Variants in MGMT observed in about 807,000 individuals in gnomAD.
MGMT encodes the protein methylated-DNA--protein-cysteine methyltransferase.
Under a neutral mutation model 15.9 loss-of-function variants are expected in MGMT, and 14 were observed. The observed-to-expected ratio is 0.88, with a 90% CI of 0.58 to 1.37. The LOEUF (loss-of-function observed/expected upper bound fraction) is 1.37, where lower values mean the gene tolerates loss of function less well. MGMT is among the 40% of genes most tolerant of loss of function. The pLI is 0.00. For missense variants in MGMT, 282 were observed against 268.1 expected, an observed-to-expected ratio of 1.05 and a Z score of -0.36; for synonymous variants, 130 against 118.2, an observed-to-expected ratio of 1.10 and a Z score of -0.65.
chr10:129,632,263 T>A (rs892611092), intron 2 of MGMT, among the ~76,000 whole-genome samples: 1 of 152,230 alleles, frequency 6.6e-6, no homozygotes, highest in African/African-American at 2.4e-5. Context: ...TTTTTAACTG[T>A]ACCAAATTGT....
intron 2 of MGMT, among the ~76,000 whole-genome samples, chr10:129,609,371 C>T (rs1175641197): frequency 1.3e-5 from 2 of 151,466 alleles, no homozygotes; most frequent in Non-Finnish European, 2.9e-5. Flanking sequence ...TCTCTGGCCC[C>T]ATCCGGATGA....
At chr10:129,705,083 C>G (rs1345638453) in intron 2 of MGMT, among the ~76,000 whole-genome samples, 1 of 152,248 alleles carries the variant, frequency 6.6e-6, no homozygotes, top group Admixed American at 6.5e-5. Context: ...TAGCTTCTCC[C>G]TGCCGCCCCG....
chr10:129,608,708 T>G (rs377208765), intron 2 of MGMT, among the ~76,000 whole-genome samples: 13 of 152,248 alleles, frequency 8.5e-5, no homozygotes, highest in Non-Finnish European at 1.6e-4. Flanking sequence ...AAATAATTTC[T>G]AAGTACAATA....
chr10:129,729,463 G>C (rs371264608), intron 3 of MGMT, among the ~76,000 whole-genome samples: 6 of 152,154 alleles, frequency 3.9e-5, no homozygotes, highest in Admixed American at 2.6e-4. Context: ...CGTGCCTCTC[G>C]TCCTCATTTG....
At chr10:129,474,688 C>T (rs1845270215) in intron 1 of MGMT, among the ~76,000 whole-genome samples, 1 of 152,172 alleles carries the variant, frequency 6.6e-6, no homozygotes, top group Non-Finnish European at 1.5e-5. Context: ...GTACGTCCTG[C>T]AGGAGTCACG....
At chr10:129,724,694 GGATA>G (rs1425798819) in intron 3 of MGMT, among the ~76,000 whole-genome samples, 1 of 152,018 alleles carries the variant, frequency 6.6e-6, no homozygotes, top group Non-Finnish European at 1.5e-5. Context: ...GTGGAGAGAT[GGATA>G]GATATATGAT....
chr10:129,592,907 C>G (rs1012150418), intron 2 of MGMT, among the ~76,000 whole-genome samples: 1 of 151,990 alleles, frequency 6.6e-6, no homozygotes, highest in Non-Finnish European at 1.5e-5. Flanking sequence ...ATGTTCTCAG[C>G]TTTCATTTCA....
chr10:129,527,991 C>G (rs573194467), intron 1 of MGMT, among the ~76,000 whole-genome samples: 34 of 152,264 alleles, frequency 2.2e-4, no homozygotes, highest in African/African-American at 7.9e-4. Context: ...TCTCTCTCAG[C>G]ACCTCCTCCA....
At chr10:129,662,448 A>G (rs186547431) in intron 2 of MGMT, among the ~76,000 whole-genome samples, 172 of 152,304 alleles carry the variant, frequency 1.1e-3, no homozygotes, top group African/African-American at 3.9e-3. Context: ...TACAGACGCT[A>G]TAAAAGATAT....
chr10:129,626,793 A>G (rs1373263855), intron 2 of MGMT, among the ~76,000 whole-genome samples: 1 of 152,206 alleles, frequency 6.6e-6, no homozygotes, highest in Non-Finnish European at 1.5e-5. Context: ...GATGCACTAT[A>G]ATTACTCTTT....
At chr10:129,514,304 A>T (rs1407762907) in intron 1 of MGMT, among the ~76,000 whole-genome samples, 2 of 152,238 alleles carry the variant, frequency 1.3e-5, no homozygotes, top group Non-Finnish European at 2.9e-5. Context: ...TTTTGTAATA[A>T]TTCCTATTTC....
chr10:129,566,472 A>G lies in MGMT; in HGVS notation c.125+30095A>G, dbSNP rs58209031. ...CTCTCTTCCAGGCCTCTGTCCCACC[A>G]GGATGATGCCTATCCAGAGCTCATT... On this transcript the variant is annotated intron_variant, in intron 2 of 4. Coordinates refer to ENST00000651593, the MANE Select transcript of MGMT (RefSeq NM_002412.5). This position sits in a 1 kb window ranked among gnomAD's most constrained non-coding sequence, Gnocchi z 4.1. Among the ~76,000 whole-genome samples the G allele has an allele frequency of 1.2e-4, 19 of 152,292 alleles. No individual in the cohort carries two copies. Among genetic ancestry groups the G allele is most frequent in the African/African-American group, 4.3e-4 (18 of 41,566 alleles).
At chr10:129,571,079 T>C (rs955796700) in intron 2 of MGMT, among the ~76,000 whole-genome samples, 3 of 152,204 alleles carry the variant, frequency 2.0e-5, no homozygotes, top group Admixed American at 6.5e-5. Context: ...CAGGGCCTGT[T>C]GTTAGTGTAT....
intron 1 of MGMT, among the ~76,000 whole-genome samples, chr10:129,494,308 G>A (rs1017177514): frequency 6.6e-6 from 1 of 152,146 alleles, no homozygotes; most frequent in African/African-American, 2.4e-5. Context: ...GAGTGGGTGG[G>A]GTGTGTGCTG....
At chr10:129,639,874 A>C (rs1847307702) in intron 2 of MGMT, among the ~76,000 whole-genome samples, 1 of 152,014 alleles carries the variant, frequency 6.6e-6, no homozygotes, top group East Asian at 1.9e-4. Flanking sequence ...AACAGTGGAA[A>C]ATATCAATGA....
intron 1 of MGMT, among the ~76,000 whole-genome samples, chr10:129,501,294 G>T (rs547538269): frequency 1.3e-5 from 2 of 152,158 alleles, no homozygotes; most frequent in Non-Finnish European, 1.5e-5. Context: ...CTGCGGGGGT[G>T]GGGGAGGATG....
Position 129,752,259 on chromosome 10 carries a change from A to C in MGMT, c.275-6943A>C, listed in dbSNP as rs1031673149. On this transcript the variant is annotated intron_variant, in intron 3 of 4. Coordinates refer to ENST00000651593, the MANE Select transcript of MGMT (RefSeq NM_002412.5). ...TAATATTCCTTTTTACCCTCTGGGAATTTTATTTGTTCTTAAGTCTGCTTT... is the reference window on the plus strand; with the variant it reads ...TAATATTCCTTTTTACCCTCTGGGACTTTTATTTGTTCTTAAGTCTGCTTT... Among the ~76,000 whole-genome samples, 5 of 151,960 alleles carry C rather than the reference A, an allele frequency of 3.3e-5. No homozygotes were observed. In the South Asian group the frequency reaches 1.0e-3, roughly 31 times the overall value.
chr10:129,592,599 G>A (rs1846699716), intron 2 of MGMT, among the ~76,000 whole-genome samples: 1 of 152,182 alleles, frequency 6.6e-6, no homozygotes, highest in Admixed American at 6.5e-5. Context: ...TTTGGGAGCT[G>A]CCCCTTGTTG....
chr10:129,644,831 G>A (rs995989452), intron 2 of MGMT, among the ~76,000 whole-genome samples: 1 of 152,150 alleles, frequency 6.6e-6, no homozygotes, highest in Non-Finnish European at 1.5e-5. Context: ...TAGGGCTCAC[G>A]ACAGCTTGTA....
Sources: allele counts gnomAD v4.1 joint callset (sites outside exome capture counted in the v4.1 genomes callset), GRCh38; gene constraint gnomAD v4.1.1; non-coding constraint Gnocchi (gnomAD v3.1); transcripts MANE v1.5; gene names NCBI Gene and HGNC (gene_info 2026-07-23, HGNC 2026-07-21).